KREMEN1: variants seen among roughly 807,000 people sequenced by gnomAD.
KREMEN1 encodes the protein kremen protein 1.
In KREMEN1, 30 loss-of-function variants were observed where a neutral mutation model predicts 46.5. The observed-to-expected ratio is 0.65, with a 90% CI of 0.48 to 0.88. KREMEN1 has a LOEUF of 0.88. Ranked by LOEUF, KREMEN1 falls within the 40% of genes least tolerant of loss-of-function variation. The pLI is 0.00. For missense variants in KREMEN1, 533 were observed against 596.9 expected (o/e 0.89, Z 1.11); for synonymous variants, 214 against 230.6 (o/e 0.93, Z 0.65).
intron 3 of KREMEN1, among the ~76,000 whole-genome samples, chr22:29,117,556 G>A (rs936776455): frequency 1.4e-5 from 2 of 140,738 alleles, no homozygotes; most frequent in Non-Finnish European, 3.1e-5. Context: ...AACAGAGCAA[G>A]ACTCCGTCTC....
intron 1 of KREMEN1, among the ~76,000 whole-genome samples, chr22:29,077,574 A>G (rs2037593307): frequency 6.6e-6 from 1 of 152,176 alleles, no homozygotes. Context: ...GGAATTTCCT[A>G]TAATTTTTAT....
intron 5 of KREMEN1, among the ~76,000 whole-genome samples, chr22:29,136,932 T>C (rs2038667857): frequency 6.6e-6 from 1 of 152,216 alleles, no homozygotes; most frequent in Non-Finnish European, 1.5e-5. Context: ...CCTGAGTGGT[T>C]CGTGTGCTTT....
At chr22:29,117,699 T>C (rs181923287) in intron 3 of KREMEN1, among the ~76,000 whole-genome samples, 2 of 152,294 alleles carry the variant, frequency 1.3e-5, no homozygotes, top group Non-Finnish European at 2.9e-5. Context: ...TCTTCAGTTA[T>C]ATAAACCATG....
In KREMEN1 at chr22:29,092,073, T is replaced by A. The variant is rs371145738; in HGVS notation, c.98-2185T>A. On this transcript the variant is annotated intron_variant, in intron 1 of 8. Transcript: ENST00000400335. ...TTTGTTTTGAGTGCCATCATTCTTT[T>A]AAGAACTATGGAGAATGGATTGTGA... 3.9e-5 allele frequency among the ~76,000 whole-genome samples: 6 copies of A among 152,252 alleles called. 1 individual carries two copies. The South Asian group carries it at 1.2e-3, about 32-fold the overall frequency.
chr22:29,074,922 A>G (rs572786257), intron 1 of KREMEN1, among the ~76,000 whole-genome samples: 1 of 152,336 alleles, frequency 6.6e-6, no homozygotes, highest in African/African-American at 2.4e-5. Flanking sequence ...GTCAATAAAC[A>G]TATTTTAATA....
At chr22:29,124,347 G>A (rs1293272380) in intron 4 of KREMEN1, among the ~76,000 whole-genome samples, 2 of 152,202 alleles carry the variant, frequency 1.3e-5, no homozygotes, top group Admixed American at 6.5e-5. Flanking sequence ...TGACATTTTC[G>A]AAAAGACAAA....
intron 1 of KREMEN1, among the ~76,000 whole-genome samples, chr22:29,088,054 A>C (rs927911264): frequency 6.6e-6 from 1 of 152,146 alleles, no homozygotes; most frequent in Non-Finnish European, 1.5e-5. Context: ...GATGTGTTTC[A>C]TCATATTTAT....
rs2038808572 is a variant in KREMEN1, at chr22:29,143,761, C to T, written c.*1649C>T. 1 of 985,214 alleles carries T rather than the reference C, an allele frequency of 1.0e-6. No individual in the cohort carries two copies. Among genetic ancestry groups the T allele is most frequent in the Non-Finnish European group, 1.2e-6 (1 of 830,070 alleles). 61.0% of individuals were successfully genotyped at this position (985,214 alleles called of 1,614,324 possible). ...TGTCTCAAAAAAAAAAAAAACACTCCAAGGGCCATCCGTGCTCTCTGCCCC... is the reference window on the plus strand; with the variant it reads ...TGTCTCAAAAAAAAAAAAAACACTCTAAGGGCCATCCGTGCTCTCTGCCCC... On this transcript the variant is annotated 3_prime_UTR_variant, in exon 9 of 9. Transcript: ENST00000400335.
At chr22:29,156,544 T>TGGAATGCTCTCCGCACA (rs132291) in intron 9 of KREMEN1, among the ~76,000 whole-genome samples, 1 of 151,828 alleles carries the variant, frequency 6.6e-6, no homozygotes, top group Admixed American at 6.6e-5. Flanking sequence ...TTCCAGGCCT[T>TGGAATGCTCTCCGCACA]GGAATGCTCT....
rs114566603 is a variant in KREMEN1 at position 29,096,044 on chromosome 22, A to G, written c.260+1624A>G. Among the ~76,000 whole-genome samples the G allele has an allele frequency of 4.4e-3, 675 of 152,260 alleles. 2 individuals are homozygous for G. Among genetic ancestry groups the G allele is most frequent in the Middle Eastern group, 0.017 (5 of 294 alleles). ...GCTATCTGTTGTATTTTATTGTTCAAGTTACACATGCTTATTAAATAGTTC... is the reference window on the plus strand; with the variant it reads ...GCTATCTGTTGTATTTTATTGTTCAGGTTACACATGCTTATTAAATAGTTC... On this transcript the variant is annotated intron_variant, in intron 2 of 8. Coordinates refer to ENST00000400335, the MANE Select transcript of KREMEN1 (RefSeq NM_001039570.3).
intron 3 of KREMEN1, among the ~76,000 whole-genome samples, chr22:29,110,929 C>T (rs2038136810): frequency 6.6e-6 from 1 of 152,074 alleles, no homozygotes; most frequent in Admixed American, 6.5e-5. Context: ...CCAGCTGCAG[C>T]GTCTCAGATG....
intron 5 of KREMEN1, among the ~76,000 whole-genome samples, chr22:29,129,255 G>A (rs754107597): frequency 1.4e-4 from 22 of 152,224 alleles, no homozygotes; most frequent in Middle Eastern, 3.4e-3. Flanking sequence ...GCTGAGGCAG[G>A]AGAATCGCTT....
intron 3 of KREMEN1, among the ~76,000 whole-genome samples, chr22:29,104,930 C>T (rs1018538561): frequency 1.3e-5 from 2 of 152,130 alleles, no homozygotes; most frequent in African/African-American, 4.8e-5. Context: ...ATAACTTAGA[C>T]ATATTTAGAA....
At position 29,073,249 on chromosome 22, in the gene KREMEN1, C is replaced by A. The variant is rs1161731914; in HGVS notation, c.97+22C>A. ...CCCGGTGAGTGTGAGCGACCCCCCG[C>A]CGCCCGCCCTGAGCGGAGCCCACTC... On this transcript the variant is annotated intron_variant, in intron 1 of 8. Coordinates refer to ENST00000400335, the MANE Select transcript of KREMEN1 (RefSeq NM_001039570.3). This position sits in a 1 kb window ranked among gnomAD's most constrained non-coding sequence, Gnocchi z 4.4. 2 of 1,079,246 alleles carry A rather than the reference C, an allele frequency of 1.9e-6. No individual in the cohort carries two copies. The highest frequency in any genetic ancestry group is 8.9e-5 in the South Asian group (2 of 22,358). 66.9% of individuals were successfully genotyped at this position (1,079,246 alleles called of 1,614,324 possible).
chr22:29,120,279 T>TGGAGGAGGGAGAGGTGATGATGGAAACAG (rs2038320270), intron 3 of KREMEN1, among the ~76,000 whole-genome samples: 4 of 85,412 alleles, frequency 4.7e-5, no homozygotes, highest in Admixed American at 1.6e-4. Flanking sequence ...ATGAAGGAAA[T>TGGAGGAGGGAGAGGTGATGATGGAAACAG]GGAGGAGGGA....
At chr22:29,107,861 G>A (rs560790130) in intron 3 of KREMEN1, among the ~76,000 whole-genome samples, 3 of 152,298 alleles carry the variant, frequency 2.0e-5, no homozygotes, top group East Asian at 1.9e-4. Context: ...TTTATTTGTG[G>A]AAGAGTGCTG....
intron 9 of KREMEN1, among the ~76,000 whole-genome samples, chr22:29,160,374 T>C (rs966431383): frequency 8.8e-4 from 28 of 31,796 alleles, no homozygotes; most frequent in African/African-American, 2.8e-3. Context: ...CAACTAAAAA[T>C]ACAAAAAAAA....
intron 5 of KREMEN1, among the ~76,000 whole-genome samples, chr22:29,125,783 T>C (rs894002080): frequency 5.9e-5 from 9 of 152,068 alleles, no homozygotes; most frequent in Non-Finnish European, 8.8e-5. Context: ...CCAAACCCTT[T>C]TGACTGTTTT....
intron 9 of KREMEN1, among the ~76,000 whole-genome samples, chr22:29,164,757 CA>C (rs1221123419): frequency 1.5e-5 from 2 of 129,396 alleles, no homozygotes. Flanking sequence ...AAAAAAAAAA[CA>C]AAAAAAAAAA....
Sources: allele counts gnomAD v4.1 joint callset (sites outside exome capture counted in the v4.1 genomes callset), GRCh38; gene constraint gnomAD v4.1.1; non-coding constraint Gnocchi (gnomAD v3.1); transcripts MANE v1.5; gene names NCBI Gene and HGNC (gene_info 2026-07-23, HGNC 2026-07-21).